The following DNAH9 variants were observed in gnomAD, a reference collection of about 807,000 sequenced individuals.
The protein encoded by DNAH9 is dynein axonemal heavy chain 9.
Under a neutral mutation model 471.6 loss-of-function variants are expected in DNAH9, and 345 were observed. That is an observed-to-expected ratio of 0.73 (90% CI 0.67 to 0.80). The LOEUF (loss-of-function observed/expected upper bound fraction) is 0.80, where lower values mean the gene tolerates loss of function less well. Ranked by LOEUF, DNAH9 falls within the 30% of genes least tolerant of loss-of-function variation. The pLI, the probability that DNAH9 is intolerant of heterozygous loss-of-function variation, is 0.00. For missense variants in DNAH9, 5,407 were observed against 5,609.2 expected (o/e 0.96, Z 1.15); for synonymous variants, 2,093 against 2,123.6 (o/e 0.99, Z 0.40).
At chr17:11,625,224 A>G (rs1187505879) in intron 6 of DNAH9, among the ~76,000 whole-genome samples, 2 of 152,170 alleles carry the variant, frequency 1.3e-5, no homozygotes, top group Non-Finnish European at 2.9e-5. Context: ...CCTTTATTAT[A>G]AAACTGCTAT....
intron 1 of DNAH9, among the ~76,000 whole-genome samples, chr17:11,604,733 A>T (rs1200883707): frequency 1.3e-5 from 2 of 152,028 alleles, no homozygotes; most frequent in African/African-American, 4.8e-5. Flanking sequence ...GCAATTTGTT[A>T]ACACATCCTA....
At position 11,610,532 on chromosome 17, in the gene DNAH9, G is replaced by T; in HGVS notation, c.751G>T (p.Glu251Ter). 2 of 1,612,822 alleles carry T rather than the reference G, an allele frequency of 1.2e-6. No individual in the cohort carries two copies. The highest frequency in any genetic ancestry group is 1.7e-6 in the Non-Finnish European group (2 of 1,179,960). ...AGGGGAGAATCCCACCCCTAAGGTG[G>T]AGTTGGAGTTCTGGAAGAGCAGGTA... ...LQGENPTPKV[E>*]LEFWKSRYED... is the part of the protein sequence containing the mutation. Residue 251 changes from glutamate to a stop codon, truncating the protein, a stop_gained, in exon 3 of 69, where the codon GAG becomes TAG. Transcript: ENST00000262442. LOFTEE classifies it high-confidence loss of function.
intron 50 of DNAH9, among the ~76,000 whole-genome samples, chr17:11,867,110 C>T (rs368047206): frequency 1.3e-4 from 20 of 152,236 alleles, no homozygotes; most frequent in African/African-American, 3.6e-4. Context: ...CCGTCTTCTG[C>T]GTCGCTAACG....
intron 38 of DNAH9, among the ~76,000 whole-genome samples, chr17:11,770,257 C>T (rs1406136301): frequency 6.6e-6 from 1 of 152,214 alleles, no homozygotes; most frequent in Non-Finnish European, 1.5e-5. Flanking sequence ...TTCGTGTGCA[C>T]CACCACTTGC....
At chr17:11,743,779 G>A (rs1336801263) in intron 30 of DNAH9, among the ~76,000 whole-genome samples, 3 of 151,622 alleles carry the variant, frequency 2.0e-5, no homozygotes, top group East Asian at 1.9e-4. Context: ...CATATCCTGG[G>A]TACAGCCACT....
chr17:11,815,081 T>C (rs1233235401), intron 45 of DNAH9, among the ~76,000 whole-genome samples: 2 of 152,154 alleles, frequency 1.3e-5, no homozygotes, highest in East Asian at 1.9e-4. Flanking sequence ...CCACAGACAG[T>C]GGAACTTTAA....
chr17:11,641,594 C>A (rs189377496), intron 10 of DNAH9, among the ~76,000 whole-genome samples: 318 of 152,254 alleles, frequency 2.1e-3, no homozygotes, highest in Non-Finnish European at 2.9e-3. Context: ...GGCTCCTAAT[C>A]CAGAATGCTT....
At chr17:11,634,112 GTT>G (rs1355688104) in intron 8 of DNAH9, among the ~76,000 whole-genome samples, 1 of 152,078 alleles carries the variant, frequency 6.6e-6, no homozygotes, top group East Asian at 1.9e-4. Flanking sequence ...TGTACCCAGA[GTT>G]TCAGAGGGCT....
At chr17:11,720,089 C>A (rs2075027304) in intron 27 of DNAH9, among the ~76,000 whole-genome samples, 1 of 152,016 alleles carries the variant, frequency 6.6e-6, no homozygotes, top group Non-Finnish European at 1.5e-5. Context: ...TTTTAAGAAC[C>A]AATGTGTTCC....
At chr17:11,830,816 G>C (rs1289960252) in intron 48 of DNAH9, among the ~76,000 whole-genome samples, 1 of 152,156 alleles carries the variant, frequency 6.6e-6, no homozygotes, top group Non-Finnish European at 1.5e-5. Flanking sequence ...ATGATATTCT[G>C]TACATCTTGG....
chr17:11,826,769 T>TATGTTTTCTAA (rs1468090500), intron 48 of DNAH9, among the ~76,000 whole-genome samples: 1 of 151,346 alleles, frequency 6.6e-6, no homozygotes, highest in East Asian at 1.9e-4. Flanking sequence ...GCCAGTTCTG[T>TATGTTTTCTAA]ATGTTTTCTA....
intron 29 of DNAH9, among the ~76,000 whole-genome samples, chr17:11,740,592 A>G (rs925448225): frequency 7.9e-5 from 12 of 152,206 alleles, no homozygotes; most frequent in African/African-American, 2.7e-4. Flanking sequence ...AGTCCATAAC[A>G]CATACCCATA....
intron 19 of DNAH9, among the ~76,000 whole-genome samples, chr17:11,683,041 G>A (rs775156825): frequency 6.6e-6 from 1 of 152,142 alleles, no homozygotes; most frequent in Non-Finnish European, 1.5e-5. Context: ...CCAATTCAGA[G>A]CCAAAACTGC....
At chr17:11,734,661 G>T (rs2075317350) in intron 28 of DNAH9, among the ~76,000 whole-genome samples, 1 of 152,174 alleles carries the variant, frequency 6.6e-6, no homozygotes. Context: ...GGGAACCTCT[G>T]GCCTTTTCCA....
intron 35 of DNAH9, among the ~76,000 whole-genome samples, chr17:11,758,966 C>T (rs1220356398): frequency 1.3e-5 from 2 of 151,834 alleles, no homozygotes; most frequent in South Asian, 2.1e-4. Flanking sequence ...TAAAGCAGCC[C>T]GTGTAGCTAA....
At chr17:11,632,164 G>T (rs1427587444) in intron 7 of DNAH9, among the ~76,000 whole-genome samples, 1 of 152,198 alleles carries the variant, frequency 6.6e-6, no homozygotes, top group Non-Finnish European at 1.5e-5. Context: ...AGATTAGTTT[G>T]CTGACAATGG....
At chr17:11,896,996 T>C (rs945397244) in intron 59 of DNAH9, among the ~76,000 whole-genome samples, 1 of 152,100 alleles carries the variant, frequency 6.6e-6, no homozygotes, top group African/African-American at 2.4e-5. Flanking sequence ...AGGCTGAGGC[T>C]GGAGAATGGG....
intron 27 of DNAH9, among the ~76,000 whole-genome samples, chr17:11,724,009 G>A (rs2075109303): frequency 6.6e-6 from 1 of 151,894 alleles, no homozygotes; most frequent in Admixed American, 6.6e-5. Context: ...CTTTTTTATT[G>A]ATACATCATA....
intron 17 of DNAH9, among the ~76,000 whole-genome samples, chr17:11,679,472 T>C (rs2150739919): frequency 6.6e-6 from 1 of 152,338 alleles, no homozygotes; most frequent in East Asian, 1.9e-4. Flanking sequence ...TGACCTCCAT[T>C]CTTGATTCTA....
Sources: allele counts gnomAD v4.1 joint callset (sites outside exome capture counted in the v4.1 genomes callset), GRCh38; gene constraint gnomAD v4.1.1; transcripts MANE v1.5; gene names NCBI Gene and HGNC (gene_info 2026-07-23, HGNC 2026-07-21).